Variants in ALK observed in about 807,000 individuals in gnomAD.
ALK encodes ALK receptor tyrosine kinase, also known as ALK tyrosine kinase receptor.
A neutral mutation model predicts 163.1 loss-of-function variants in ALK; 74 were observed. The observed-to-expected ratio is 0.45, with a 90% CI of 0.38 to 0.55. The LOEUF is 0.55. Ranked by LOEUF, ALK falls within the 20% of genes least tolerant of loss-of-function variation. ALK has a pLI of 0.00. For synonymous variants in ALK, 960 were observed against 843.2 expected, an observed-to-expected ratio of 1.14 and a Z score of -2.40; for missense variants, 2,063 against 2,105.3, an observed-to-expected ratio of 0.98 and a Z score of 0.39.
intron 3 of ALK, among the ~76,000 whole-genome samples, chr2:29,681,778 C>T (rs1454124425): frequency 6.6e-6 from 1 of 150,644 alleles, no homozygotes; most frequent in African/African-American, 2.4e-5. Context: ...CCCCCTCAAC[C>T]TCATCTTTAT....
At chr2:29,287,240 C>T (rs573017194) in intron 9 of ALK, among the ~76,000 whole-genome samples, 12 of 152,102 alleles carry the variant, frequency 7.9e-5, no homozygotes, top group South Asian at 2.1e-4. Flanking sequence ...TTAGGAAATA[C>T]GACGAAAGCA....
At chr2:29,818,029 C>G (rs1664943531) in intron 1 of ALK, among the ~76,000 whole-genome samples, 1 of 152,224 alleles carries the variant, frequency 6.6e-6, no homozygotes, top group Non-Finnish European at 1.5e-5. Context: ...TCCAGTGTTT[C>G]TCCACAGAGA....
intron 1 of ALK, among the ~76,000 whole-genome samples, chr2:29,787,629 A>G (rs1312460667): frequency 6.6e-6 from 1 of 152,200 alleles, no homozygotes; most frequent in East Asian, 1.9e-4. Flanking sequence ...ATTTTAGAAA[A>G]TGAGTCAGAG....
At chr2:29,220,926 T>G in intron 22 of ALK, 91 bp from the exon 23 acceptor site, 3 of 1,563,902 alleles carry the variant, frequency 1.9e-6, no homozygotes, top group Non-Finnish European at 2.6e-6. Flanking sequence ...AGTTACATTT[T>G]CAGCAGCTAC....
chr2:29,630,074 A>C (rs1043553854), intron 3 of ALK, among the ~76,000 whole-genome samples: 1 of 152,196 alleles, frequency 6.6e-6, no homozygotes, highest in Non-Finnish European at 1.5e-5. Flanking sequence ...TTCGACACAC[A>C]ATGCAATTAG....
In ALK at chr2:29,223,326, G is replaced by A. The variant is rs770785401; in HGVS notation, c.3359+16C>T. On this transcript the variant is annotated intron_variant, in intron 20 of 28. Transcript: ENST00000389048. ...ACTGCACCCCTCTCCTCCCAGGACG[G>A]CAGCAGGGCGCTCACCGAATGAGGG... 1.2e-6 allele frequency: 2 copies of A among 1,613,786 alleles called. No individual in the cohort carries two copies. Among genetic ancestry groups the A allele is most frequent in the East Asian group, 2.2e-5 (1 of 44,882 alleles).
At chr2:29,499,770 T>C (rs963818035) in intron 4 of ALK, among the ~76,000 whole-genome samples, 4 of 152,008 alleles carry the variant, frequency 2.6e-5, no homozygotes, top group African/African-American at 4.8e-5. Context: ...GCCCATGTCT[T>C]CCTGACTGAT....
chr2:29,321,005 A>G, intron 6 of ALK, 123 bp from the exon 7 acceptor site: 2 of 1,212,678 alleles, frequency 1.6e-6, no homozygotes, highest in Non-Finnish European at 2.4e-6. Context: ...CTCCCCAGCC[A>G]GAATGCTGGA....
chr2:29,342,029 T>C (rs1667807903), intron 5 of ALK, among the ~76,000 whole-genome samples: 1 of 152,220 alleles, frequency 6.6e-6, no homozygotes, highest in Admixed American at 6.5e-5. Flanking sequence ...ATATTCAGCC[T>C]ACTATGTATT....
chr2:29,797,812 AT>A lies in ALK; in HGVS notation c.668-80116del, dbSNP rs949438165. Among the ~76,000 whole-genome samples the A allele has an allele frequency of 8.8e-3, 1,294 of 147,666 alleles. 14 individuals carry two copies. Among genetic ancestry groups the A allele is most frequent in the African/African-American group, 0.028 (1,149 of 40,408 alleles). On this transcript the variant is annotated intron_variant, in intron 1 of 28. Transcript: ENST00000389048. ...TTTTTTCAAAAAGCAGATAAATAGGATTTTTTTTTTTACTTTCACCAAAGCA... is the reference window on the plus strand; with the variant it reads ...TTTTTTCAAAAAGCAGATAAATAGGATTTTTTTTTTACTTTCACCAAAGCA...
chr2:29,895,976 G>C (rs1206360426), intron 1 of ALK, among the ~76,000 whole-genome samples: 1 of 152,196 alleles, frequency 6.6e-6, no homozygotes, highest in Non-Finnish European at 1.5e-5. Context: ...TTCTGACACA[G>C]CTCTCTCCAT....
At chr2:29,502,865 T>C (rs1672222698) in intron 4 of ALK, among the ~76,000 whole-genome samples, 1 of 152,216 alleles carries the variant, frequency 6.6e-6, no homozygotes, top group Non-Finnish European at 1.5e-5. Context: ...TCAGCCGTGA[T>C]TACAGCTGGA....
chr2:29,900,081 C>T (rs56345957), intron 1 of ALK, among the ~76,000 whole-genome samples: 9,911 of 152,344 alleles, frequency 0.065, 470 homozygotes, highest in East Asian at 0.14. Flanking sequence ...AAAGGCTGAC[C>T]TGACCTGAGA....
At chr2:29,613,592 A>G (rs1158652602) in intron 3 of ALK, among the ~76,000 whole-genome samples, 1 of 152,222 alleles carries the variant, frequency 6.6e-6, no homozygotes, top group Non-Finnish European at 1.5e-5. Context: ...CGTATGTCAC[A>G]CAGGTACACA....
chr2:29,273,431 T>TG (rs1468850165), intron 11 of ALK, among the ~76,000 whole-genome samples: 2 of 152,160 alleles, frequency 1.3e-5, no homozygotes, highest in Non-Finnish European at 2.9e-5. Flanking sequence ...TTAGAGGTGG[T>TG]GGGGGAGTCA....
chr2:29,639,887 T>A (rs1339689613), intron 3 of ALK, among the ~76,000 whole-genome samples: 1 of 152,202 alleles, frequency 6.6e-6, no homozygotes, highest in East Asian at 1.9e-4. Context: ...AGGGTTTGCA[T>A]GATTTCATCC....
At chr2:29,309,520 G>T (rs1359410806) in intron 8 of ALK, among the ~76,000 whole-genome samples, 1 of 152,192 alleles carries the variant, frequency 6.6e-6, no homozygotes, top group Non-Finnish European at 1.5e-5. Flanking sequence ...GTTGATTACT[G>T]CAGGCATTAG....
intron 4 of ALK, among the ~76,000 whole-genome samples, chr2:29,434,753 C>G (rs1670358508): frequency 6.6e-6 from 1 of 152,198 alleles, no homozygotes; most frequent in Non-Finnish European, 1.5e-5. Context: ...ATAATAACCA[C>G]TTTCAATGGA....
intron 6 of ALK, among the ~76,000 whole-genome samples, chr2:29,324,926 C>G (rs1308629270): frequency 6.6e-6 from 1 of 152,168 alleles, no homozygotes; most frequent in Non-Finnish European, 1.5e-5. Flanking sequence ...AATGTCACCT[C>G]CATCTCAGGC....
Sources: gnomAD v4.1 joint callset for allele counts (sites outside exome capture counted in the v4.1 genomes callset) on GRCh38, gnomAD v4.1.1 for gene constraint, MANE v1.5 for transcripts, NCBI Gene and HGNC (gene_info 2026-07-23, HGNC 2026-07-21) for gene names.